The following NCAM2 variants were observed in gnomAD, a reference collection of about 807,000 sequenced individuals.
NCAM2 encodes the protein N-CAM-2.
Under a neutral mutation model 98.1 loss-of-function variants are expected in NCAM2, and 30 were observed. That is an observed-to-expected ratio of 0.31 (90% CI 0.23 to 0.41). NCAM2 has a LOEUF of 0.41. Among genes scored for constraint, NCAM2 ranks in the 10% least tolerant of loss-of-function variants. The pLI, the probability that NCAM2 is intolerant of heterozygous loss-of-function variation, is 1.00. For missense variants in NCAM2, 867 were observed against 1,005.8 expected (o/e 0.86, Z 1.87); for synonymous variants, 368 against 342.4 (o/e 1.07, Z -0.83).
At chr21:21,186,566 AGT>A (rs1432383266) in intron 1 of NCAM2, among the ~76,000 whole-genome samples, 1 of 152,208 alleles carries the variant, frequency 6.6e-6, no homozygotes, top group Non-Finnish European at 1.5e-5. Flanking sequence ...TATACAAAAC[AGT>A]AATACCTGTG....
intron 12 of NCAM2, among the ~76,000 whole-genome samples, chr21:21,460,002 A>G (rs1982729982): frequency 6.6e-6 from 1 of 151,952 alleles, no homozygotes. Context: ...ATTAGCTTGA[A>G]TTTATGGTGA....
chr21:21,134,415 G>C (rs1234578747), intron 1 of NCAM2, among the ~76,000 whole-genome samples: 1 of 152,030 alleles, frequency 6.6e-6, no homozygotes, highest in South Asian at 2.1e-4. Context: ...GAAGAAGACA[G>C]TGGAGACCAG....
At chr21:21,453,429 CAGAT>C (rs1414644854) in intron 12 of NCAM2, among the ~76,000 whole-genome samples, 1 of 151,970 alleles carries the variant, frequency 6.6e-6, no homozygotes. Context: ...TAGGAGTAGA[CAGAT>C]AGCCAAGCCA....
intron 12 of NCAM2, among the ~76,000 whole-genome samples, chr21:21,449,932 A>G (rs544927622): frequency 6.6e-6 from 1 of 152,114 alleles, no homozygotes; most frequent in Admixed American, 6.6e-5. Flanking sequence ...TATTTTTAGC[A>G]TCTTGTATTC....
intron 11 of NCAM2, among the ~76,000 whole-genome samples, chr21:21,431,110 A>G (rs1156711424): frequency 2.1e-5 from 2 of 94,610 alleles, no homozygotes; most frequent in Non-Finnish European, 4.7e-5. Context: ...GAGCCAAACC[A>G]TATAATATAT....
At chr21:21,465,144 G>C (rs926743428) in intron 12 of NCAM2, among the ~76,000 whole-genome samples, 1 of 151,962 alleles carries the variant, frequency 6.6e-6, no homozygotes, top group East Asian at 1.9e-4. Flanking sequence ...GTAATGTCTG[G>C]TTGATATGTG....
chr21:21,362,836 A>G (rs1180681660), intron 8 of NCAM2, among the ~76,000 whole-genome samples: 1 of 152,138 alleles, frequency 6.6e-6, no homozygotes, highest in African/African-American at 2.4e-5. Context: ...TGTTTAGGTT[A>G]ATTGTTGGAT....
intron 9 of NCAM2, among the ~76,000 whole-genome samples, chr21:21,383,732 A>C (rs1278509016): frequency 6.6e-6 from 1 of 152,158 alleles, no homozygotes; most frequent in Admixed American, 6.5e-5. Context: ...TTAAAGCATT[A>C]ATATATTTGG....
intron 1 of NCAM2, among the ~76,000 whole-genome samples, chr21:21,196,285 C>A (rs778643493): frequency 6.6e-6 from 1 of 152,182 alleles, no homozygotes; most frequent in Non-Finnish European, 1.5e-5. Flanking sequence ...CAACCCACAT[C>A]CAATGACTGA....
At chr21:21,424,496 G>C (rs1352289607) in intron 11 of NCAM2, among the ~76,000 whole-genome samples, 1 of 152,066 alleles carries the variant, frequency 6.6e-6, no homozygotes, top group East Asian at 1.9e-4. Flanking sequence ...GCTTTCAAAA[G>C]GTGTCAACTT....
chr21:21,348,668 T>A (rs1349674007), intron 8 of NCAM2, among the ~76,000 whole-genome samples: 2 of 151,834 alleles, frequency 1.3e-5, no homozygotes, highest in African/African-American at 4.8e-5. Context: ...ACAAATCACA[T>A]TACCTGACTT....
chr21:21,256,605 T>C (rs1412264627), intron 1 of NCAM2, among the ~76,000 whole-genome samples: 1 of 152,112 alleles, frequency 6.6e-6, no homozygotes, highest in Non-Finnish European at 1.5e-5. Flanking sequence ...GACATAAAGC[T>C]CCACCTCTAC....
At chr21:21,064,797 G>A (rs1396577919) in intron 1 of NCAM2, among the ~76,000 whole-genome samples, 1 of 152,154 alleles carries the variant, frequency 6.6e-6, no homozygotes, top group Non-Finnish European at 1.5e-5. Context: ...ATATTTTTCA[G>A]TGTGTAAACC....
intron 1 of NCAM2, among the ~76,000 whole-genome samples, chr21:21,100,842 C>T (rs2066227173): frequency 6.6e-6 from 1 of 152,034 alleles, no homozygotes; most frequent in African/African-American, 2.4e-5. Context: ...CTTGGGAGCA[C>T]CCTTCTTTCA....
intron 1 of NCAM2, among the ~76,000 whole-genome samples, chr21:21,164,154 C>A (rs1276908315): frequency 6.6e-6 from 1 of 152,164 alleles, no homozygotes; most frequent in Non-Finnish European, 1.5e-5. Context: ...CCTGATCATC[C>A]TTGGCTGGGC....
intron 1 of NCAM2, among the ~76,000 whole-genome samples, chr21:21,016,242 C>T (rs1158097045): frequency 6.6e-6 from 1 of 152,100 alleles, no homozygotes; most frequent in Non-Finnish European, 1.5e-5. Context: ...ATGACGTGTC[C>T]ATCTTGCAAG....
At chr21:21,280,712 G>A (rs1207545696) in intron 2 of NCAM2, 60 bp downstream of exon 2, 3 of 1,105,082 alleles carry the variant, frequency 2.7e-6, no homozygotes, top group East Asian at 5.4e-5. Context: ...TTAATAAAAT[G>A]TGTTGGCTAA....
At chr21:21,462,099 T>C (rs1167664413) in intron 12 of NCAM2, among the ~76,000 whole-genome samples, 2 of 152,050 alleles carry the variant, frequency 1.3e-5, no homozygotes, top group Non-Finnish European at 2.9e-5. Flanking sequence ...CTTCACTGTG[T>C]TTTCAGATCT....
chr21:21,154,813 A>T (rs1476309185), intron 1 of NCAM2, among the ~76,000 whole-genome samples: 4 of 151,876 alleles, frequency 2.6e-5, no homozygotes, highest in African/African-American at 9.7e-5. Context: ...TAGGGTATAA[A>T]AATAGAAGGT....
Sources: allele counts gnomAD v4.1 joint callset (sites outside exome capture counted in the v4.1 genomes callset), GRCh38; gene constraint gnomAD v4.1.1; transcripts MANE v1.5; gene names NCBI Gene and HGNC (gene_info 2026-07-23, HGNC 2026-07-21).